The following PCDHA2 variants were observed in gnomAD, a reference collection of about 807,000 sequenced individuals.
PCDHA2 encodes protocadherin alpha-2.
Under a neutral mutation model 66.0 loss-of-function variants are expected in PCDHA2, and 58 were observed. That is an observed-to-expected ratio of 0.88 (90% CI 0.71 to 1.09). The LOEUF (loss-of-function observed/expected upper bound fraction) is 1.09. Among genes scored for constraint, PCDHA2 ranks in the 50% least tolerant of loss-of-function variants. The probability of loss-of-function intolerance (pLI) is 0.00; values close to 1 mark genes in which losing one functional copy is unlikely to be tolerated. For synonymous variants in PCDHA2, 634 were observed against 554.0 expected (o/e 1.14, Z -2.03); for missense variants, 1,267 against 1,242.3 (o/e 1.02, Z -0.30).
chr5:140,917,338 G>GGGGGGGGGGGGGGGGGA (rs2078134893), intron 1 of PCDHA2, among the ~76,000 whole-genome samples: 1 of 137,894 alleles, frequency 7.3e-6, no homozygotes, highest in Non-Finnish European at 1.6e-5. Flanking sequence ...GGAGGGGGGG[G>GGGGGGGGGGGGGGGGGA]ATGGTGTAGG....
At chr5:140,984,192 A>G (rs1233193080) in intron 3 of PCDHA2, among the ~76,000 whole-genome samples, 31 of 152,144 alleles carry the variant, frequency 2.0e-4, no homozygotes, top group Admixed American at 2.0e-3. Context: ...ATGACTTTCT[A>G]CCTTGCCTTT....
chr5:140,854,252 TA>T, intron 1 of PCDHA2: 1 of 628,060 alleles, frequency 1.6e-6, no homozygotes, highest in Non-Finnish European at 2.0e-6. Flanking sequence ...TCACTTGGTA[TA>T]AAATGTACAT....
At chr5:140,807,851 T>C in intron 1 of PCDHA2, 1 of 1,614,070 alleles carries the variant, frequency 6.2e-7, no homozygotes, top group Non-Finnish European at 8.5e-7. Context: ...CAAACCCGAG[T>C]TGACTGGCAC....
chr5:140,888,597 C>A (rs1474772423), intron 1 of PCDHA2, among the ~76,000 whole-genome samples: 3 of 152,216 alleles, frequency 2.0e-5, no homozygotes, highest in African/African-American at 7.2e-5. Flanking sequence ...ACATTCAGAG[C>A]AGCTTTTAGT....
intron 1 of PCDHA2, among the ~76,000 whole-genome samples, chr5:140,847,067 A>G (rs1780844287): frequency 1.3e-5 from 2 of 149,984 alleles, no homozygotes; most frequent in Admixed American, 1.3e-4. Context: ...AAGCATCAAT[A>G]TGACAAGTAG....
At chr5:141,002,474 C>T (rs141241701) in intron 3 of PCDHA2, among the ~76,000 whole-genome samples, 65 of 152,334 alleles carry the variant, frequency 4.3e-4, no homozygotes, top group African/African-American at 1.3e-3. Flanking sequence ...TTAGCATTTT[C>T]AAAGGATGAC....
intron 1 of PCDHA2, chr5:140,876,989 G>A (rs781957201): frequency 6.2e-7 from 1 of 1,612,664 alleles, no homozygotes. Context: ...GCACTGTCGA[G>A]CTACGTGTCG....
chr5:140,849,912 C>T (rs1318290193), intron 1 of PCDHA2: 4 of 1,598,150 alleles, frequency 2.5e-6, no homozygotes, highest in Admixed American at 1.7e-5. Context: ...GCCGGGCTGC[C>T]ACATCTTCAC....
intron 1 of PCDHA2, among the ~76,000 whole-genome samples, chr5:140,901,492 C>T (rs548353886): frequency 1.3e-5 from 2 of 152,234 alleles, no homozygotes; most frequent in South Asian, 2.1e-4. Flanking sequence ...GCACCTTCAT[C>T]GAAAATGAGT....
intron 1 of PCDHA2, among the ~76,000 whole-genome samples, chr5:140,847,064 A>G (rs1159869188): frequency 1.3e-5 from 2 of 149,866 alleles, no homozygotes; most frequent in Non-Finnish European, 3.0e-5. Flanking sequence ...AGAAAGCATC[A>G]ATATGACAAG....
intron 1 of PCDHA2, chr5:140,877,509 G>A (rs781824762): frequency 5.6e-6 from 9 of 1,613,700 alleles, no homozygotes; most frequent in Non-Finnish European, 7.6e-6. Context: ...CAAAGACGTC[G>A]TCGCGGGCCT....
intron 1 of PCDHA2, among the ~76,000 whole-genome samples, chr5:140,962,168 C>A (rs1207333516): frequency 1.3e-5 from 2 of 152,152 alleles, no homozygotes; most frequent in African/African-American, 4.8e-5. Flanking sequence ...AGCCACCACA[C>A]CCGGCCACTT....
chr5:140,815,428 T>C (rs1337784289), intron 1 of PCDHA2: 3 of 152,136 alleles, frequency 2.0e-5, no homozygotes, highest in Non-Finnish European at 2.9e-5. Context: ...TTTAAACTGA[T>C]AGCATCTTTA....
chr5:140,967,485 C>A lies in PCDHA2; in HGVS notation c.2389-11464C>A, dbSNP rs781948599. 3.7e-6 allele frequency: 6 copies of A among 1,613,056 alleles called. No homozygotes were observed. In the South Asian group the frequency reaches 6.6e-5, roughly 18 times the overall value. On this transcript the variant is annotated intron_variant, in intron 1 of 3. Coordinates refer to ENST00000526136, the MANE Select transcript of PCDHA2 (RefSeq NM_018905.3). ...GGGGGCATCCCAGCCCGCTCGGGTA[C>A]GGCACAGATCTCTGTGCGTGTCCTG...
chr5:140,809,916 T>C (rs1444779930), intron 1 of PCDHA2: 1 of 176,006 alleles, frequency 5.7e-6, no homozygotes, highest in Non-Finnish European at 1.2e-5. Flanking sequence ...GCTGAAATAA[T>C]AAAGCTCCAT....
intron 1 of PCDHA2, chr5:140,809,021 C>T: frequency 6.2e-7 from 1 of 1,613,690 alleles, no homozygotes; most frequent in African/African-American, 1.3e-5. Context: ...GTACGAGCTG[C>T]AGCCGGGGAC....
intron 1 of PCDHA2, chr5:140,862,939 T>G (rs2047666977): frequency 1.8e-6 from 1 of 541,782 alleles, no homozygotes; most frequent in South Asian, 1.4e-5. Flanking sequence ...GCGCTGTGAG[T>G]GAGCTGGTGC....
intron 1 of PCDHA2, among the ~76,000 whole-genome samples, chr5:140,911,976 A>G (rs1270778875): frequency 6.6e-6 from 1 of 152,218 alleles, no homozygotes; most frequent in Non-Finnish European, 1.5e-5. Context: ...ATTAACTCAC[A>G]TGATCACAAG....
chr5:140,820,568 C>T (rs1554127882), intron 1 of PCDHA2, among the ~76,000 whole-genome samples: 1 of 151,874 alleles, frequency 6.6e-6, no homozygotes, highest in East Asian at 1.9e-4. Context: ...TTCTTTTGCC[C>T]ATATTTATTA....
Sources: allele counts gnomAD v4.1 joint callset (sites outside exome capture counted in the v4.1 genomes callset), GRCh38; gene constraint gnomAD v4.1.1; transcripts MANE v1.5; gene names NCBI Gene and HGNC (gene_info 2026-07-23, HGNC 2026-07-21).